RSRC1: variants seen among roughly 807,000 people sequenced by gnomAD.
The protein encoded by RSRC1 is arginine and serine rich coiled-coil 1.
A neutral mutation model predicts 49.1 loss-of-function variants in RSRC1; 39 were observed. The ratio of observed to expected loss-of-function variants is 0.79; its 90% CI spans 0.61 to 1.04. The LOEUF (loss-of-function observed/expected upper bound fraction) is 1.04. Among genes scored for constraint, RSRC1 ranks in the 50% least tolerant of loss-of-function variants. RSRC1 has a pLI of 0.00. For missense variants in RSRC1, 388 were observed against 402.4 expected (o/e 0.96, Z 0.31); for synonymous variants, 143 against 130.8 (o/e 1.09, Z -0.63).
chr3:158,520,356 T>C (rs1214701122), intron 7 of RSRC1, among the ~76,000 whole-genome samples: 1 of 152,160 alleles, frequency 6.6e-6, no homozygotes, highest in African/African-American at 2.4e-5. Context: ...ACAATTAAAC[T>C]TGTCTTATTT....
intron 3 of RSRC1, among the ~76,000 whole-genome samples, chr3:158,195,851 A>G (rs189243613): frequency 0.076 from 11,493 of 151,730 alleles, 517 homozygotes; most frequent in South Asian, 0.12. Flanking sequence ...TGTTCCATTG[A>G]TCTATATCTC....
At position 158,413,348 on chromosome 3, in the gene RSRC1, T is replaced by C. The variant is rs181167928; in HGVS notation, c.584-47587T>C. ...TATACAAAAATTAACTCAAGATGGA[T>C]TGAAGACTTAAATGTAAAACCCAAA... On this transcript the variant is annotated intron_variant, in intron 6 of 9. Transcript: ENST00000611884. Among the ~76,000 whole-genome samples the C allele has an allele frequency of 3.3e-5, 5 of 152,310 alleles. No homozygotes were observed. In the East Asian group the frequency reaches 9.6e-4, roughly 29 times the overall value.
chr3:158,149,187 T>A (rs762444474), intron 3 of RSRC1, among the ~76,000 whole-genome samples: 1 of 152,256 alleles, frequency 6.6e-6, no homozygotes, highest in Non-Finnish European at 1.5e-5. Flanking sequence ...AGTTTCTTTT[T>A]ACTCTTAAGT....
chr3:158,512,789 A>G (rs1490313434), intron 7 of RSRC1, among the ~76,000 whole-genome samples: 2 of 151,296 alleles, frequency 1.3e-5, no homozygotes, highest in Admixed American at 1.3e-4. Context: ...CTTTTATTTC[A>G]TTGAGCAGTG....
At chr3:158,495,427 G>A (rs1739279264) in intron 7 of RSRC1, among the ~76,000 whole-genome samples, 1 of 152,018 alleles carries the variant, frequency 6.6e-6, no homozygotes. Flanking sequence ...TAGGACTACA[G>A]GCATGTGCCA....
chr3:158,260,588 G>A (rs1011905454), intron 4 of RSRC1, among the ~76,000 whole-genome samples: 7 of 152,146 alleles, frequency 4.6e-5, no homozygotes, highest in Non-Finnish European at 8.8e-5. Flanking sequence ...CAGGTTGCGC[G>A]CATTTCAAGT....
chr3:158,175,603 T>A (rs1401015617), intron 3 of RSRC1, among the ~76,000 whole-genome samples: 1 of 152,130 alleles, frequency 6.6e-6, no homozygotes, highest in Non-Finnish European at 1.5e-5. Flanking sequence ...GGTTGGTTCA[T>A]ATGGATTCTC....
chr3:158,197,350 C>T (rs562151335), intron 3 of RSRC1, among the ~76,000 whole-genome samples: 1 of 151,928 alleles, frequency 6.6e-6, no homozygotes, highest in Non-Finnish European at 1.5e-5. Flanking sequence ...TGGTGATATC[C>T]CCTTTTTCAT....
rs1175198601 is a variant in RSRC1, at chr3:158,338,373, A to G, written c.532-16484A>G. On this transcript the variant is annotated intron_variant, in intron 5 of 9. Coordinates refer to ENST00000611884, the MANE Select transcript of RSRC1 (RefSeq NM_001271838.2). Reference sequence around the variant, plus strand: ...TGGTACTAAGTTCTAGAGGCAAGATAAATCTACTTTTGAGCTATTTGTAAT... The same window carrying G: ...TGGTACTAAGTTCTAGAGGCAAGATGAATCTACTTTTGAGCTATTTGTAAT... 2.6e-5 allele frequency among the ~76,000 whole-genome samples: 4 copies of G among 152,202 alleles called. No homozygotes were observed. In the South Asian group the frequency reaches 8.3e-4, roughly 31 times the overall value.
At chr3:158,529,771 A>G (rs1483179150) in intron 7 of RSRC1, among the ~76,000 whole-genome samples, 1 of 152,004 alleles carries the variant, frequency 6.6e-6, no homozygotes, top group Non-Finnish European at 1.5e-5. Flanking sequence ...GCTTTAAAAC[A>G]TGGTTTCTAC....
intron 3 of RSRC1, among the ~76,000 whole-genome samples, chr3:158,135,435 ATT>A (rs751854340): frequency 8.0e-5 from 11 of 136,848 alleles, no homozygotes; most frequent in Admixed American, 1.5e-4. Flanking sequence ...ACACCCAGCT[ATT>A]TTTTTTTTTT....
intron 4 of RSRC1, among the ~76,000 whole-genome samples, chr3:158,271,690 C>G (rs938613424): frequency 6.6e-6 from 1 of 151,836 alleles, no homozygotes; most frequent in African/African-American, 2.4e-5. Flanking sequence ...TTTTATAATG[C>G]TTTTTGATAA....
intron 3 of RSRC1, among the ~76,000 whole-genome samples, chr3:158,135,512 T>G (rs904340708): frequency 1.4e-5 from 2 of 138,874 alleles, no homozygotes; most frequent in African/African-American, 5.4e-5. Flanking sequence ...ACTCCTGACC[T>G]CAAGTGATCT....
rs533059132 is a variant in RSRC1, at chr3:158,446,864, A to T, written c.584-14071A>T. Among the ~76,000 whole-genome samples, 257 of 152,170 alleles carry T rather than the reference A, an allele frequency of 1.7e-3. 1 individual carries two copies. The highest frequency in any genetic ancestry group is 5.9e-3 in the African/African-American group (247 of 41,556). ...GTTTACCCTGGAGAGTAAATGCAAC[A>T]GTTTCATTATGTGCCTAGTTTTTAC... On this transcript the variant is annotated intron_variant, in intron 6 of 9. Coordinates refer to ENST00000611884, the MANE Select transcript of RSRC1 (RefSeq NM_001271838.2).
intron 3 of RSRC1, among the ~76,000 whole-genome samples, chr3:158,195,154 C>T (rs537386859): frequency 1.3e-5 from 2 of 152,310 alleles, no homozygotes; most frequent in Admixed American, 6.5e-5. Flanking sequence ...TCCTCTCCAG[C>T]ATCTGTTGTT....
chr3:158,385,699 C>A (rs573005329), intron 6 of RSRC1, among the ~76,000 whole-genome samples: 1 of 152,018 alleles, frequency 6.6e-6, no homozygotes, highest in South Asian at 2.1e-4. Flanking sequence ...TCTTTGTTGA[C>A]CCAAATGAAT....
intron 6 of RSRC1, among the ~76,000 whole-genome samples, chr3:158,377,091 G>T (rs1578404299): frequency 1.3e-5 from 2 of 152,056 alleles, no homozygotes; most frequent in Non-Finnish European, 2.9e-5. Flanking sequence ...AGTCATTGTT[G>T]TTAATGTATG....
At chr3:158,291,803 C>T (rs1299472477) in intron 4 of RSRC1, among the ~76,000 whole-genome samples, 1 of 152,168 alleles carries the variant, frequency 6.6e-6, no homozygotes, top group Non-Finnish European at 1.5e-5. Context: ...TACTGTTCTT[C>T]TGTTTTAAGA....
At chr3:158,341,152 C>T (rs377403880) in intron 5 of RSRC1, among the ~76,000 whole-genome samples, 2 of 151,842 alleles carry the variant, frequency 1.3e-5, no homozygotes, top group South Asian at 2.1e-4. Flanking sequence ...AGCCTGACTA[C>T]GCAATAGAAA....
Sources: allele counts gnomAD v4.1 joint callset (sites outside exome capture counted in the v4.1 genomes callset), GRCh38; gene constraint gnomAD v4.1.1; transcripts MANE v1.5; gene names NCBI Gene and HGNC (gene_info 2026-07-23, HGNC 2026-07-21).